NBEA: variants seen among roughly 807,000 people sequenced by gnomAD.
NBEA encodes neurobeachin, also known as lysosomal-trafficking regulator 2.
Under a neutral mutation model 343.4 loss-of-function variants are expected in NBEA, and 44 were observed. The ratio of observed to expected loss-of-function variants is 0.13; its 90% CI spans 0.10 to 0.16. NBEA has a LOEUF of 0.16. NBEA is among the 10% of genes least tolerant of loss of function. The pLI, the probability that NBEA is intolerant of heterozygous loss-of-function variation, is 1.00. For synonymous variants in NBEA, 1,175 were observed against 1,238.7 expected, an observed-to-expected ratio of 0.95 and a Z score of 1.08; for missense variants, 2,555 against 3,631.3, an observed-to-expected ratio of 0.70 and a Z score of 7.62.
rs144218804 is a variant in NBEA at position 35,470,768 on chromosome 13, C to T, written c.6449-1632C>T. Reference sequence around the variant, plus strand: ...GGAGGGCGCGGGAGGCAGGAGGCGCCGCCAAGCGCGCGCACAGACCCTCCA... The same window carrying T: ...GGAGGGCGCGGGAGGCAGGAGGCGCTGCCAAGCGCGCGCACAGACCCTCCA... On this transcript the variant is annotated intron_variant, in intron 40 of 58. Coordinates refer to ENST00000379939, the MANE Select transcript of NBEA (RefSeq NM_001385012.1). Among the ~76,000 whole-genome samples, 242 of 152,316 alleles carry T rather than the reference C, an allele frequency of 1.6e-3. 1 individual carries two copies. The highest frequency in any genetic ancestry group is 4.3e-3 in the African/African-American group (177 of 41,554).
At chr13:35,106,044 G>A (rs751385651) in intron 11 of NBEA, among the ~76,000 whole-genome samples, 1 of 151,862 alleles carries the variant, frequency 6.6e-6, no homozygotes. Flanking sequence ...ATGCTATAAC[G>A]CAACTATTTG....
At chr13:35,057,250 G>A (rs1366281558) in intron 7 of NBEA, among the ~76,000 whole-genome samples, 1 of 152,010 alleles carries the variant, frequency 6.6e-6, no homozygotes, top group Non-Finnish European at 1.5e-5. Flanking sequence ...TCTCCCGAAG[G>A]GCAGGGATTT....
chr13:35,569,126 G>C (rs930496006), intron 45 of NBEA, among the ~76,000 whole-genome samples: 5 of 152,134 alleles, frequency 3.3e-5, no homozygotes, highest in Non-Finnish European at 7.4e-5. Flanking sequence ...TAGGCCATAT[G>C]CTTTGAATTG....
At chr13:35,191,781 T>C (rs1566435462) in intron 30 of NBEA, among the ~76,000 whole-genome samples, 1 of 152,072 alleles carries the variant, frequency 6.6e-6, no homozygotes, top group Non-Finnish European at 1.5e-5. Context: ...TATGTTTCTT[T>C]CATGATATTC....
chr13:34,972,153 T>C (rs1380838889), intron 1 of NBEA, among the ~76,000 whole-genome samples: 1 of 152,170 alleles, frequency 6.6e-6, no homozygotes, highest in Non-Finnish European at 1.5e-5. Flanking sequence ...TATTCTCCGA[T>C]GGTTGTTTGT....
chr13:35,030,478 T>C (rs2062169405), intron 1 of NBEA, among the ~76,000 whole-genome samples: 1 of 151,638 alleles, frequency 6.6e-6, no homozygotes, highest in African/African-American at 2.4e-5. Flanking sequence ...CGCTTACTTA[T>C]GTGTGACCTT....
chr13:35,517,723 T>C (rs2077540201), intron 41 of NBEA, among the ~76,000 whole-genome samples: 2 of 152,184 alleles, frequency 1.3e-5, no homozygotes, highest in Admixed American at 1.3e-4. Context: ...GAATCTCCAA[T>C]CAATTTGTAC....
intron 36 of NBEA, among the ~76,000 whole-genome samples, chr13:35,323,274 C>T (rs2038295541): frequency 2.0e-5 from 3 of 152,028 alleles, no homozygotes; most frequent in Non-Finnish European, 4.4e-5. Context: ...CGTATGTTTA[C>T]TGCGGCATTA....
chr13:35,576,728 CTA>C (rs1475836690), intron 45 of NBEA, among the ~76,000 whole-genome samples: 5 of 152,050 alleles, frequency 3.3e-5, no homozygotes, highest in African/African-American at 1.2e-4. Flanking sequence ...TTGATCAAAA[CTA>C]TATGATTTTT....
intron 17 of NBEA, among the ~76,000 whole-genome samples, chr13:35,128,238 T>TA (rs562000555): frequency 3.4e-4 from 45 of 132,674 alleles, no homozygotes; most frequent in Admixed American, 4.4e-4. Context: ...AGTATAATAA[T>TA]AAAAAAAAAA....
intron 47 of NBEA, among the ~76,000 whole-genome samples, 177 bp downstream of exon 47, chr13:35,593,624 A>C (rs2081631826): frequency 6.6e-6 from 1 of 152,098 alleles, no homozygotes; most frequent in South Asian, 2.1e-4. Context: ...AATAACTGAA[A>C]ATTCTTTCAT....
rs1239209610 is a variant in NBEA, at chr13:35,157,085, T to C, written c.2659T>C (p.Leu887=). 3 of 1,570,698 alleles carry C rather than the reference T, an allele frequency of 1.9e-6. No individual in the cohort carries two copies. The highest frequency in any genetic ancestry group is 1.9e-5 in the Admixed American group (1 of 52,716). Residue 887 remains leucine (L), a synonymous_variant, in exon 21 of 59, where the codon TTG becomes CTG. Transcript: ENST00000379939. ...AAATTTTTTTCTCCCTAGATGCTTA[T>C]TGCAGTGTTCAGTGTGGCAGGATTG... ...SNSRENRRCL[L]QCSVWQDWMF...
In NBEA at chr13:35,048,558, T is replaced by C; in HGVS notation, c.724-5T>C. The C allele has an allele frequency of 1.9e-6, 3 of 1,606,418 alleles. No individual in the cohort carries two copies. On this transcript the variant is annotated splice_region_variant and splice_polypyrimidine_tract_variant and intron_variant, in intron 4 of 58. Transcript: ENST00000379939. ...ACTTTCGTACCTTTTCTCATTGCCT[T>C]GTAGGCAATTGCCTTGCCTCCTATT...
intron 17 of NBEA, among the ~76,000 whole-genome samples, chr13:35,127,002 G>A (rs1213113843): frequency 2.0e-5 from 3 of 151,356 alleles, no homozygotes; most frequent in Non-Finnish European, 4.4e-5. Flanking sequence ...GGAACAAAAC[G>A]AATATTTAAA....
intron 41 of NBEA, among the ~76,000 whole-genome samples, chr13:35,543,579 A>G (rs987158702): frequency 7.9e-5 from 12 of 152,126 alleles, no homozygotes; most frequent in African/African-American, 2.7e-4. Flanking sequence ...TGCCTCCATC[A>G]GGTATTTCGA....
chr13:34,952,869 A>G (rs1366992121), intron 1 of NBEA, among the ~76,000 whole-genome samples: 1 of 151,984 alleles, frequency 6.6e-6, no homozygotes, highest in Non-Finnish European at 1.5e-5. Context: ...GCATTTATAG[A>G]TTGGGTTTGG....
chr13:35,155,132 T>TAAA (rs753159286), intron 18 of NBEA, among the ~76,000 whole-genome samples: 689 of 61,822 alleles, frequency 0.011, 14 homozygotes, highest in Non-Finnish European at 0.016. Context: ...ATTCTGTCTC[T>TAAA]AAAAAAAAAA....
intron 48 of NBEA, among the ~76,000 whole-genome samples, chr13:35,627,782 A>G (rs1266085025): frequency 1.3e-5 from 2 of 152,178 alleles, no homozygotes; most frequent in Admixed American, 6.5e-5. Flanking sequence ...TTTTAATAAG[A>G]AATTTATTTA....
rs1213314643 is a variant in NBEA at position 35,551,029 on chromosome 13, C to G, written c.6803C>G (p.Ala2268Gly). 1 of 1,571,566 alleles carries G rather than the reference C, an allele frequency of 6.4e-7. No homozygotes were observed. The highest frequency in any genetic ancestry group is 8.7e-7 in the Non-Finnish European group (1 of 1,145,142). Residue 2268 changes from alanine (A) to glycine (G), a missense_variant, in exon 43 of 59, where the codon GCC becomes GGC. Physicochemically the swap from Ala to Gly is moderately conservative, Grantham distance 60. Coordinates refer to ENST00000379939, the MANE Select transcript of NBEA (RefSeq NM_001385012.1). ...GGGACCAGCTATGGTCTGCCACAAG[C>G]CAGGTAATTATATCATATTACATAT... is the stretch of plus-strand genomic sequence containing the variant. Reference protein sequence around the residue: ...GVGTSYGLPQARRISLATPRQ... With the variant: ...GVGTSYGLPQGRRISLATPRQ...
Sources: gnomAD v4.1 joint callset for allele counts (sites outside exome capture counted in the v4.1 genomes callset) on GRCh38, gnomAD v4.1.1 for gene constraint, MANE v1.5 for transcripts, NCBI Gene and HGNC (gene_info 2026-07-23, HGNC 2026-07-21) for gene names.